The following PTPRD variants were observed in gnomAD, a reference collection of about 807,000 sequenced individuals.
The protein encoded by PTPRD is receptor-type tyrosine-protein phosphatase delta.
Under a neutral mutation model 214.5 loss-of-function variants are expected in PTPRD, and 34 were observed. The ratio of observed to expected loss-of-function variants is 0.16; its 90% CI spans 0.12 to 0.21. The LOEUF is 0.21. PTPRD is among the 10% of genes least tolerant of loss of function. The pLI is 1.00. For missense variants in PTPRD, 2,545 were observed against 2,398.7 expected (o/e 1.06, Z -1.27); for synonymous variants, 1,128 against 845.7 (o/e 1.33, Z -5.79).
chr9:10,248,533 A>AAAAC (rs60272481), intron 3 of PTPRD, among the ~76,000 whole-genome samples: 5,765 of 126,886 alleles, frequency 0.045, 451 homozygotes, highest in African/African-American at 0.093. Context: ...AAAATAAAAA[A>AAAAC]AATAAAGCGA....
chr9:8,440,319 A>G (rs1054570658), intron 34 of PTPRD, among the ~76,000 whole-genome samples: 4 of 146,040 alleles, frequency 2.7e-5, no homozygotes, highest in South Asian at 2.2e-4. Flanking sequence ...GAAATGTATT[A>G]TTTTTTTTTT....
chr9:10,180,630 GC>G (rs2099276941), intron 3 of PTPRD, among the ~76,000 whole-genome samples: 2 of 149,264 alleles, frequency 1.3e-5, no homozygotes, highest in Admixed American at 6.7e-5. Context: ...AAACTCATGG[GC>G]TAATTTACTT....
intron 5 of PTPRD, among the ~76,000 whole-genome samples, chr9:9,931,465 A>G (rs1018276913): frequency 1.6e-4 from 24 of 152,214 alleles, no homozygotes; most frequent in Non-Finnish European, 2.6e-4. Flanking sequence ...AAGGGGTGAC[A>G]GATGGCACCT....
At chr9:10,173,500 G>T (rs1303872424) in intron 3 of PTPRD, among the ~76,000 whole-genome samples, 1 of 152,024 alleles carries the variant, frequency 6.6e-6, no homozygotes, top group Non-Finnish European at 1.5e-5. Flanking sequence ...TCATGTTCCA[G>T]AAGGATAATG....
chr9:10,200,900 T>C (rs761157282), intron 3 of PTPRD, among the ~76,000 whole-genome samples: 7 of 152,202 alleles, frequency 4.6e-5, no homozygotes, highest in Non-Finnish European at 1.0e-4. Flanking sequence ...AACTTCCTTT[T>C]TAATTTTTGG....
At chr9:8,632,861 T>C (rs933631720) in intron 14 of PTPRD, among the ~76,000 whole-genome samples, 2 of 152,024 alleles carry the variant, frequency 1.3e-5, no homozygotes, top group East Asian at 3.9e-4. Flanking sequence ...GCATTTCTTA[T>C]ACTTGGTTCT....
chr9:9,792,352 A>C (rs1431353501), intron 5 of PTPRD, among the ~76,000 whole-genome samples: 1 of 152,174 alleles, frequency 6.6e-6, no homozygotes, highest in Admixed American at 6.5e-5. Context: ...CAAGGGCCAC[A>C]AAGGAAGGGT....
At chr9:9,643,713 A>G (rs1305904159) in intron 7 of PTPRD, among the ~76,000 whole-genome samples, 1 of 152,346 alleles carries the variant, frequency 6.6e-6, no homozygotes, top group East Asian at 1.9e-4. Context: ...TCATAATGAT[A>G]TCGCTGGATC....
At chr9:9,750,417 T>C (rs2098505288) in intron 6 of PTPRD, among the ~76,000 whole-genome samples, 1 of 152,148 alleles carries the variant, frequency 6.6e-6, no homozygotes, top group South Asian at 2.1e-4. Flanking sequence ...ATACAAACCA[T>C]GATGCCTCTA....
At chr9:9,901,714 A>G (rs2076442624) in intron 5 of PTPRD, among the ~76,000 whole-genome samples, 2 of 152,190 alleles carry the variant, frequency 1.3e-5, no homozygotes, top group Non-Finnish European at 2.9e-5. Flanking sequence ...TGGGTAGTTT[A>G]CAAAGAAAAG....
At position 9,019,747 on chromosome 9, in the gene PTPRD, T is replaced by A. The variant is rs2099555969; in HGVS notation, c.-142-1012A>T. Among the ~76,000 whole-genome samples, 7 of 152,226 alleles carry A rather than the reference T, an allele frequency of 4.6e-5. No homozygotes were observed. The South Asian group carries it at 1.5e-3, about 32-fold the overall frequency. ...CATGGAAGTTTATTATTAATATAATTTTTTATCAACGTTGAGAAAGATACA... is the reference window on the plus strand; with the variant it reads ...CATGGAAGTTTATTATTAATATAATATTTTATCAACGTTGAGAAAGATACA... On this transcript the variant is annotated intron_variant, in intron 10 of 45. Coordinates refer to ENST00000381196, the MANE Select transcript of PTPRD (RefSeq NM_002839.4).
chr9:8,814,119 C>G (rs1413657192), intron 11 of PTPRD, among the ~76,000 whole-genome samples: 1 of 152,066 alleles, frequency 6.6e-6, no homozygotes, highest in Non-Finnish European at 1.5e-5. Context: ...TGATTTAGAA[C>G]TAAATACAAA....
At chr9:8,459,846 A>T (rs1218347534) in intron 33 of PTPRD, among the ~76,000 whole-genome samples, 1 of 152,130 alleles carries the variant, frequency 6.6e-6, no homozygotes, top group Non-Finnish European at 1.5e-5. Flanking sequence ...CAGATGTGGA[A>T]TAAGAGTTAG....
At chr9:9,338,010 C>A (rs2045262347) in intron 9 of PTPRD, among the ~76,000 whole-genome samples, 1 of 152,146 alleles carries the variant, frequency 6.6e-6, no homozygotes, top group Admixed American at 6.5e-5. Context: ...TTGATCAAAA[C>A]AACAACCTAT....
chr9:10,593,728 A>T (rs2076027905), intron 2 of PTPRD, among the ~76,000 whole-genome samples: 1 of 152,012 alleles, frequency 6.6e-6, no homozygotes, highest in African/African-American at 2.4e-5. Context: ...ATCCAGAGAA[A>T]TGTTAATGAA....
intron 11 of PTPRD, among the ~76,000 whole-genome samples, chr9:8,892,673 G>A (rs2098551510): frequency 3.5e-5 from 4 of 115,222 alleles, no homozygotes; most frequent in African/African-American, 9.5e-5. Flanking sequence ...ATATATATGT[G>A]TATATATATA....
intron 12 of PTPRD, among the ~76,000 whole-genome samples, chr9:8,720,823 G>A (rs1462119680): frequency 6.6e-6 from 1 of 152,090 alleles, no homozygotes; most frequent in South Asian, 2.1e-4. Flanking sequence ...TCAATGAGGG[G>A]CATAGTAACT....
chr9:10,357,940 G>A (rs945955766), intron 2 of PTPRD, among the ~76,000 whole-genome samples: 2 of 151,980 alleles, frequency 1.3e-5, no homozygotes, highest in South Asian at 2.1e-4. Context: ...AATATTCCAA[G>A]CTAAAGCAAT....
At chr9:8,931,949 T>C (rs1364828640) in intron 11 of PTPRD, among the ~76,000 whole-genome samples, 8 of 152,222 alleles carry the variant, frequency 5.3e-5, no homozygotes, top group Non-Finnish European at 7.3e-5. Flanking sequence ...TTTATTTGCA[T>C]AGAGGTATTT....
Sources: gnomAD v4.1 joint callset for allele counts (sites outside exome capture counted in the v4.1 genomes callset) on GRCh38, gnomAD v4.1.1 for gene constraint, MANE v1.5 for transcripts, NCBI Gene and HGNC (gene_info 2026-07-23, HGNC 2026-07-21) for gene names.